CNTLN: variants seen among roughly 807,000 people sequenced by gnomAD.
CNTLN encodes the protein centlein, centrosomal protein.
Under a neutral mutation model 180.0 loss-of-function variants are expected in CNTLN, and 212 were observed. That is an observed-to-expected ratio of 1.18 (90% CI 1.05 to 1.32). The LOEUF is 1.32. Among genes scored for constraint, CNTLN ranks in the 40% most tolerant of loss-of-function variants. CNTLN has a pLI of 0.00. For synonymous variants in CNTLN, 722 were observed against 563.1 expected (o/e 1.28, Z -3.99); for missense variants, 2,095 against 1,610.9 (o/e 1.30, Z -5.14).
intron 8 of CNTLN, among the ~76,000 whole-genome samples, chr9:17,316,589 C>T (rs1819552630): frequency 6.6e-6 from 1 of 151,998 alleles, no homozygotes; most frequent in Non-Finnish European, 1.5e-5. Context: ...ATATTGCTTT[C>T]ACACCATTGT....
At chr9:17,251,860 TC>T (rs1242714246) in intron 5 of CNTLN, among the ~76,000 whole-genome samples, 2 of 151,824 alleles carry the variant, frequency 1.3e-5, no homozygotes, top group African/African-American at 4.8e-5. Context: ...GCATATTAGT[TC>T]CAATAACCAA....
At chr9:17,173,109 T>C (rs1425323914) in intron 2 of CNTLN, among the ~76,000 whole-genome samples, 1 of 152,198 alleles carries the variant, frequency 6.6e-6, no homozygotes, top group Non-Finnish European at 1.5e-5. Context: ...AGTACATCTT[T>C]TATCATTTAT....
chr9:17,333,846 A>G (rs1258381529), intron 10 of CNTLN, among the ~76,000 whole-genome samples: 3 of 152,188 alleles, frequency 2.0e-5, no homozygotes, highest in Admixed American at 6.5e-5. Flanking sequence ...TGTTTCCTCA[A>G]TAGCAATTAC....
At chr9:17,217,404 A>G (rs539228016) in intron 2 of CNTLN, among the ~76,000 whole-genome samples, 5 of 152,370 alleles carry the variant, frequency 3.3e-5, no homozygotes, top group African/African-American at 9.6e-5. Flanking sequence ...TCGGAGCACA[A>G]AATATTGACA....
intron 3 of CNTLN, among the ~76,000 whole-genome samples, chr9:17,233,051 C>A (rs901129356): frequency 6.6e-6 from 1 of 152,000 alleles, no homozygotes; most frequent in African/African-American, 2.4e-5. Context: ...AAATTTCCAA[C>A]CCTGAGAGTT....
intron 13 of CNTLN, among the ~76,000 whole-genome samples, chr9:17,381,300 CACT>C (rs1195852495): frequency 6.6e-6 from 1 of 152,198 alleles, no homozygotes; most frequent in Non-Finnish European, 1.5e-5. Context: ...GGAACTTATA[CACT>C]TCCCAAATTT....
chr9:17,225,227 G>GT (rs1366188715), intron 2 of CNTLN, among the ~76,000 whole-genome samples: 1 of 151,866 alleles, frequency 6.6e-6, no homozygotes, highest in Non-Finnish European at 1.5e-5. Context: ...CATTTCATGA[G>GT]TTAGCATTCC....
At chr9:17,345,008 C>G (rs974964705) in intron 12 of CNTLN, among the ~76,000 whole-genome samples, 2 of 152,144 alleles carry the variant, frequency 1.3e-5, no homozygotes, top group Non-Finnish European at 2.9e-5. Context: ...AGACTGGCTT[C>G]TTTCCGCATA....
chr9:17,317,242 G>C (rs1819598522), intron 8 of CNTLN, among the ~76,000 whole-genome samples: 1 of 152,092 alleles, frequency 6.6e-6, no homozygotes, highest in Admixed American at 6.5e-5. Context: ...TGTAGCTAGT[G>C]AGGTGACCTC....
the CNTLN span, among the ~76,000 whole-genome samples, chr9:17,522,183 T>C: frequency 1.7e-3 from 260 of 152,300 alleles, 1 homozygote; most frequent in African/African-American, 5.9e-3. Context: ...TAATAATACA[T>C]GGACGTGGCT....
intron 13 of CNTLN, among the ~76,000 whole-genome samples, chr9:17,379,542 TAA>T (rs1426065243): frequency 6.6e-6 from 1 of 152,146 alleles, no homozygotes; most frequent in Non-Finnish European, 1.5e-5. Flanking sequence ...CTGGGGTAAT[TAA>T]AGAACTCACC....
At chr9:17,252,462 A>G (rs1001250625) in intron 5 of CNTLN, among the ~76,000 whole-genome samples, 1 of 97,428 alleles carries the variant, frequency 1.0e-5, no homozygotes, top group African/African-American at 6.0e-5. Context: ...ATGACATCTC[A>G]TTATGGTTTT....
Position 17,308,977 on chromosome 9 carries a change from T to C in CNTLN, c.1147-81T>C, listed in dbSNP as rs1358691881. The stretch of plus-strand genomic sequence containing the variant: ...TGTGTTTATACAGTTCATATGTATA[T>C]ATACACACACACACACACAGACACA... On this transcript the variant is annotated intron_variant, in intron 7 of 25. Coordinates refer to ENST00000380647, the MANE Select transcript of CNTLN (RefSeq NM_017738.4). 7.8e-5 allele frequency: 70 copies of C among 892,120 alleles called. 3 individuals are homozygous for C. Among genetic ancestry groups the C allele is most frequent in the East Asian group, 4.8e-4 (18 of 37,360 alleles). 55.3% of individuals were successfully genotyped at this position (892,120 alleles called of 1,614,324 possible).
rs557721017 is a variant in CNTLN at position 17,433,020 on chromosome 9, C to CAAAAA, written c.3114+16845_3114+16849dup. Among the ~76,000 whole-genome samples the CAAAAA allele has an allele frequency of 7.3e-3, 746 of 102,242 alleles. 15 individuals carry two copies. The highest frequency in any genetic ancestry group is 0.011 in the Non-Finnish European group (580 of 54,634). 67.1% of individuals were successfully genotyped at this position (102,242 alleles called of 152,430 possible). ...TGGGTGACAGAGCAAGACTCTGTCT[C>CAAAAA]AAAAAAAAAAAAAAAAAACAAAGAT... On this transcript the variant is annotated intron_variant, in intron 18 of 25. Transcript: ENST00000380647.
intron 7 of CNTLN, chr9:17,301,084 C>A: frequency 1.0e-6 from 1 of 985,324 alleles, no homozygotes; most frequent in Non-Finnish European, 1.2e-6. Context: ...AGAAAGCTCT[C>A]CTTGATGGTG....
chr9:17,230,461 G>C (rs949142616), intron 3 of CNTLN, among the ~76,000 whole-genome samples: 2 of 151,940 alleles, frequency 1.3e-5, no homozygotes, highest in Admixed American at 1.3e-4. Flanking sequence ...TGTGCTTCTG[G>C]ACTGTGACCT....
intron 2 of CNTLN, among the ~76,000 whole-genome samples, chr9:17,149,398 C>A (rs1446908777): frequency 6.6e-6 from 1 of 151,790 alleles, no homozygotes; most frequent in Non-Finnish European, 1.5e-5. Flanking sequence ...GCCACACTAT[C>A]TTCCACAATG....
intron 18 of CNTLN, among the ~76,000 whole-genome samples, chr9:17,433,913 G>C (rs1829593857): frequency 6.6e-6 from 1 of 152,146 alleles, no homozygotes; most frequent in Non-Finnish European, 1.5e-5. Flanking sequence ...AAATTGTTTA[G>C]TTAAATAACT....
At chr9:17,383,954 T>C (rs752493824) in intron 13 of CNTLN, among the ~76,000 whole-genome samples, 12 of 152,198 alleles carry the variant, frequency 7.9e-5, no homozygotes, top group Non-Finnish European at 1.5e-4. Flanking sequence ...ATGAAATTTA[T>C]ATGAAATCAG....
Sources: allele counts gnomAD v4.1 joint callset (sites outside exome capture counted in the v4.1 genomes callset), GRCh38; gene constraint gnomAD v4.1.1; transcripts MANE v1.5; gene names NCBI Gene and HGNC (gene_info 2026-07-23, HGNC 2026-07-21).